The following ANAPC10 variants were observed in gnomAD, a reference collection of about 807,000 sequenced individuals.
ANAPC10 encodes the protein anaphase promoting complex subunit 10.
Under a neutral mutation model 22.0 loss-of-function variants are expected in ANAPC10, and 12 were observed. The ratio of observed to expected loss-of-function variants is 0.55; its 90% CI spans 0.35 to 0.88. The LOEUF (loss-of-function observed/expected upper bound fraction) is 0.88. ANAPC10 is among the 40% of genes least tolerant of loss of function. The probability of loss-of-function intolerance (pLI) is 0.01; values close to 1 mark genes in which losing one functional copy is unlikely to be tolerated. For synonymous variants in ANAPC10, 65 were observed against 69.5 expected, an observed-to-expected ratio of 0.94 and a Z score of 0.32; for missense variants, 188 against 220.9, an observed-to-expected ratio of 0.85 and a Z score of 0.94.
intron 1 of ANAPC10, among the ~76,000 whole-genome samples, chr4:145,096,680 T>C (rs1417248930): frequency 6.6e-6 from 1 of 152,180 alleles, no homozygotes; most frequent in African/African-American, 2.4e-5. Flanking sequence ...ACTTTTATTC[T>C]AGGAATATAT....
At chr4:145,001,285 G>T (rs567379513) in intron 4 of ANAPC10, among the ~76,000 whole-genome samples, 1 of 151,730 alleles carries the variant, frequency 6.6e-6, no homozygotes, top group South Asian at 2.1e-4. Flanking sequence ...GAAAAGAAAA[G>T]AAAAGAAATT....
rs1578954678 is a variant in ANAPC10, at chr4:145,026,957, GTATATATATA to G, written c.328-31364_328-31355del. Among the ~76,000 whole-genome samples the G allele has an allele frequency of 5.3e-3, 98 of 18,348 alleles. 2 individuals carry two copies. The highest frequency in any genetic ancestry group is 0.025 in the African/African-American group (85 of 3,462). The allele number at this position is 18,348 out of a possible 152,430, so 12.0% of individuals were successfully genotyped here. A position where few individuals can be genotyped will look rare whatever the true frequency, so the allele number is the denominator to read the frequency against. ...TATATATATATATATGTGTGTGTGTGTATATATATATATATATATATATATATATATTTTT... is the reference window on the plus strand; with the variant it reads ...TATATATATATATATGTGTGTGTGTGTATATATATATATATATATATTTTT... On this transcript the variant is annotated intron_variant, in intron 4 of 4. Coordinates refer to ENST00000507656, the MANE Select transcript of ANAPC10 (RefSeq NM_001256706.2).
At chr4:145,015,482 AAGAAG>A (rs1333251938) in intron 4 of ANAPC10, among the ~76,000 whole-genome samples, 9 of 152,162 alleles carry the variant, frequency 5.9e-5, no homozygotes, top group South Asian at 2.1e-4. Flanking sequence ...GTTCCTGAAG[AAGAAG>A]AGAAATCTAA....
At chr4:145,020,025 G>C (rs560587455) in intron 4 of ANAPC10, among the ~76,000 whole-genome samples, 1 of 151,906 alleles carries the variant, frequency 6.6e-6, no homozygotes, top group South Asian at 2.1e-4. Context: ...AATTGGTACC[G>C]ATCCTACTGA....
chr4:145,020,566 G>A (rs1294529040), intron 4 of ANAPC10, among the ~76,000 whole-genome samples: 1 of 152,056 alleles, frequency 6.6e-6, no homozygotes, highest in Non-Finnish European at 1.5e-5. Flanking sequence ...ACATAGTACT[G>A]GAAGTCCTAT....
chr4:145,009,032 C>A (rs1385168914), intron 4 of ANAPC10, among the ~76,000 whole-genome samples: 3 of 151,982 alleles, frequency 2.0e-5, no homozygotes, highest in Non-Finnish European at 4.4e-5. Context: ...ACAAGTATTC[C>A]TATACACTAA....
At chr4:144,997,987 C>T (rs1211644053) in intron 4 of ANAPC10, among the ~76,000 whole-genome samples, 3 of 152,096 alleles carry the variant, frequency 2.0e-5, no homozygotes. Context: ...ACAAAGAAGG[C>T]CATTACATAA....
intron 4 of ANAPC10, among the ~76,000 whole-genome samples, chr4:145,017,570 C>G (rs1290018931): frequency 2.6e-5 from 4 of 152,174 alleles, no homozygotes; most frequent in African/African-American, 9.7e-5. Flanking sequence ...GGCAATTCCT[C>G]AGGGATCTAG....
intron 2 of ANAPC10, among the ~76,000 whole-genome samples, chr4:145,083,159 A>C (rs1746333220): frequency 6.6e-6 from 1 of 152,194 alleles, no homozygotes. Flanking sequence ...AACAACAATA[A>C]TAACAATAAC....
chr4:145,073,988 A>G (rs921194213), intron 3 of ANAPC10, among the ~76,000 whole-genome samples: 3 of 152,042 alleles, frequency 2.0e-5, no homozygotes, highest in South Asian at 4.1e-4. Context: ...AAACAAGTAC[A>G]TTAGTCCCTA....
At chr4:145,042,667 GA>G (rs1739684022) in intron 4 of ANAPC10, among the ~76,000 whole-genome samples, 1 of 151,826 alleles carries the variant, frequency 6.6e-6, no homozygotes, top group African/African-American at 2.4e-5. Flanking sequence ...AAAAATATAA[GA>G]ACCAACAAAT....
chr4:145,081,998 T>G (rs999651528), intron 2 of ANAPC10, among the ~76,000 whole-genome samples: 1 of 152,002 alleles, frequency 6.6e-6, no homozygotes, highest in Non-Finnish European at 1.5e-5. Context: ...GCATAAGCCA[T>G]AGCACCCAGC....
chr4:145,032,755 T>C (rs1454619000), intron 4 of ANAPC10, among the ~76,000 whole-genome samples: 1 of 152,208 alleles, frequency 6.6e-6, no homozygotes. Context: ...CACTGAGCCC[T>C]TGATGTGGCA....
chr4:145,051,637 T>C (rs1741116200), intron 4 of ANAPC10, among the ~76,000 whole-genome samples: 1 of 152,148 alleles, frequency 6.6e-6, no homozygotes, highest in Non-Finnish European at 1.5e-5. Flanking sequence ...TTTAAAGAAC[T>C]ATTCTTTTTT....
At position 145,003,041 on chromosome 4, in the gene ANAPC10, G is replaced by A. The variant is rs187028380; in HGVS notation, c.328-7438C>T. ...ATCTTCCACCCTCAAGAAAGTCCCA[G>A]CCACTATTGTTCCCTTCTTTGTGTC... On this transcript the variant is annotated intron_variant, in intron 4 of 4. Coordinates refer to ENST00000507656, the MANE Select transcript of ANAPC10 (RefSeq NM_001256706.2). Among the ~76,000 whole-genome samples, 256 of 152,140 alleles carry A rather than the reference G, an allele frequency of 1.7e-3. 1 individual carries two copies. Among genetic ancestry groups the A allele is most frequent in the Admixed American group, 4.1e-3 (63 of 15,272 alleles).
At chr4:145,023,516 A>G (rs1736250929) in intron 4 of ANAPC10, among the ~76,000 whole-genome samples, 1 of 152,120 alleles carries the variant, frequency 6.6e-6, no homozygotes, top group Non-Finnish European at 1.5e-5. Flanking sequence ...TGAACCCTCA[A>G]ATTCTCTCGG....
At chr4:145,091,592 T>G (rs374011485) in intron 2 of ANAPC10, among the ~76,000 whole-genome samples, 2 of 152,328 alleles carry the variant, frequency 1.3e-5, no homozygotes, top group South Asian at 2.1e-4. Context: ...TTATTCAATC[T>G]ATCACTGATG....
chr4:145,013,797 C>A (rs1734705681), intron 4 of ANAPC10, among the ~76,000 whole-genome samples: 1 of 152,098 alleles, frequency 6.6e-6, no homozygotes, highest in Admixed American at 6.6e-5. Flanking sequence ...GATCCTCCAC[C>A]CCCAAGCACA....
chr4:145,019,866 C>G (rs1735723665), intron 4 of ANAPC10, among the ~76,000 whole-genome samples: 1 of 152,018 alleles, frequency 6.6e-6, no homozygotes, highest in Admixed American at 6.6e-5. Flanking sequence ...GAGGTGTACA[C>G]CCCTCCCAGC....
Sources: gnomAD v4.1 joint callset for allele counts (sites outside exome capture counted in the v4.1 genomes callset) on GRCh38, gnomAD v4.1.1 for gene constraint, MANE v1.5 for transcripts, NCBI Gene and HGNC (gene_info 2026-07-23, HGNC 2026-07-21) for gene names.